The following PBX2 variants were observed in gnomAD, a reference collection of about 807,000 sequenced individuals.
The protein encoded by PBX2 is PBX homeobox 2.
Under a neutral mutation model 46.5 loss-of-function variants are expected in PBX2, and 10 were observed. The observed-to-expected ratio is 0.21, with a 90% CI of 0.13 to 0.36. PBX2 has a LOEUF of 0.36. PBX2 is among the 10% of genes least tolerant of loss of function. The probability of loss-of-function intolerance (pLI) is 1.00; values close to 1 mark genes in which losing one functional copy is unlikely to be tolerated. For synonymous variants in PBX2, 160 were observed against 222.5 expected, an observed-to-expected ratio of 0.72 and a Z score of 2.50; for missense variants, 392 against 580.5, an observed-to-expected ratio of 0.68 and a Z score of 3.34.
In PBX2 at chr6:32,188,300, T is replaced by C. The variant is rs1787234584; in HGVS notation, c.500A>G (p.Gln167Arg). The change falls in exon 3 of 9, where the codon CAG (glutamine) becomes CGG (arginine). Residue 167 changes from glutamine to arginine, a missense_variant. This residue lies in a region of PBX2 where 196 missense variants were observed against 246.9 expected (regional missense o/e 0.79). Coordinates refer to ENST00000375050, the MANE Select transcript of PBX2 (RefSeq NM_002586.5). The surrounding 1 kb of genome is among the most constrained non-coding windows in gnomAD (Gnocchi z 6.5). Reference sequence around the variant, plus strand: ...CTCCGAGTGGTATATGTGACGGATCTGGGCAAGTTTGCTGCGATAGTCCGA... The same window carrying C: ...CTCCGAGTGGTATATGTGACGGATCCGGGCAAGTTTGCTGCGATAGTCCGA... ...EHSDYRSKLA[Q>R]IRHIYHSELE... 1.2e-6 allele frequency: 2 copies of C among 1,614,022 alleles called. No individual in the cohort carries two copies. Among genetic ancestry groups the C allele is most frequent in the Admixed American group, 3.3e-5 (2 of 60,024 alleles).
Position 32,186,834 on chromosome 6 carries a change from T to C in PBX2, c.1092A>G (p.Gly364=). The stretch of plus-strand genomic sequence containing the variant: ...TGACCTGGGAAGCAGAATAGGAATC[T>C]CCGTTGAGCCCAGGCATCCCCAGAA... The part of the protein sequence containing the change: ...DMFLGMPGLN[G]DSYSASQVES... The change falls in exon 7 of 9, where the codon GGA becomes GGG. Residue 364 remains glycine (G), a synonymous_variant. Transcript: ENST00000375050. This position sits in a 1 kb window ranked among gnomAD's most constrained non-coding sequence, Gnocchi z 4.2. 1.2e-6 allele frequency: 2 copies of C among 1,614,062 alleles called. No homozygotes were observed. Among genetic ancestry groups the C allele is most frequent in the Non-Finnish European group, 1.7e-6 (2 of 1,179,984 alleles).
At position 32,187,472 on chromosome 6, in the gene PBX2, ATTT is replaced by A. The variant is rs371557584; in HGVS notation, c.871-80_871-78del. The A allele has an allele frequency of 4.5e-4, 611 of 1,355,214 alleles. No homozygotes were observed. The highest frequency in any genetic ancestry group is 5.0e-4 in the Non-Finnish European group (498 of 990,198). 83.9% of individuals were successfully genotyped at this position (1,355,214 alleles called of 1,614,324 possible). On this transcript the variant is annotated intron_variant, in intron 5 of 8. Coordinates refer to ENST00000375050, the MANE Select transcript of PBX2 (RefSeq NM_002586.5). This position sits in a 1 kb window ranked among gnomAD's most constrained non-coding sequence, Gnocchi z 7.7. Reference sequence around the variant, plus strand: ...CACTGAATAAGATGTGAGTGACAGCATTTTTTTTTTTTTTGCTTCCTGGTCTCA... The same window carrying A: ...CACTGAATAAGATGTGAGTGACAGCATTTTTTTTTTTGCTTCCTGGTCTCA...
chr6:32,190,171 G>T lies in PBX2; in HGVS notation c.-256C>A. 1 of 359,290 alleles carries T rather than the reference G, an allele frequency of 2.8e-6. No individual in the cohort carries two copies. The highest frequency in any genetic ancestry group is 4.7e-5 in the East Asian group (1 of 21,394). 22.3% of individuals were successfully genotyped at this position (359,290 alleles called of 1,614,324 possible). A position where few individuals can be genotyped will look rare whatever the true frequency, so the allele number is the denominator to read the frequency against. On this transcript the variant is annotated 5_prime_UTR_variant, in exon 1 of 9. Coordinates refer to ENST00000375050, the MANE Select transcript of PBX2 (RefSeq NM_002586.5). ...GAGAGAGAGAGGAGGCCCAAGCGGG[G>T]GTGTGTGTGAGAGAGAGGGAGGAGG... is the stretch of plus-strand genomic sequence containing the variant.
rs778766305 is a variant in PBX2 at position 32,188,679 on chromosome 6, G to A, written c.295+44C>T. 2.5e-6 allele frequency: 4 copies of A among 1,594,942 alleles called. No homozygotes were observed. In the Admixed American group the frequency reaches 6.7e-5, roughly 27 times the overall value. On this transcript the variant is annotated intron_variant, in intron 2 of 8. Transcript: ENST00000375050. The surrounding 1 kb of genome is among the most constrained non-coding windows in gnomAD (Gnocchi z 6.5). Reference sequence around the variant, plus strand: ...CACACTCTAGCCCTATAATGAACAGGGTTCTGTTCCCAGAGTTGAGCAATC... The same window carrying A: ...CACACTCTAGCCCTATAATGAACAGAGTTCTGTTCCCAGAGTTGAGCAATC...
In PBX2 at chr6:32,188,000, C is replaced by A; in HGVS notation, c.700G>T (p.Val234Leu). The part of the protein sequence containing the change: ...MQLKQSTCEA[V>L]MILRSRFLDA... ...AGGAAACGGGAGCGCAGGATCATCACAGCCTCGCAGGTGCTCTGCTTCAGC... is the reference window on the plus strand; with the variant it reads ...AGGAAACGGGAGCGCAGGATCATCAAAGCCTCGCAGGTGCTCTGCTTCAGC... Residue 234 changes from valine (V) to leucine (L), a missense_variant, in exon 4 of 9, where the codon GTG becomes TTG. Physicochemically the swap from Val to Leu is conservative, Grantham distance 32 (BLOSUM62 1). This residue lies in a region of PBX2 where 80 missense variants were observed against 175.7 expected (regional missense o/e 0.46). Coordinates refer to ENST00000375050, the MANE Select transcript of PBX2 (RefSeq NM_002586.5). The surrounding 1 kb of genome is among the most constrained non-coding windows in gnomAD (Gnocchi z 7.7). The A allele has an allele frequency of 3.2e-6, 5 of 1,580,048 alleles. No homozygotes were observed. Among genetic ancestry groups the A allele is most frequent in the Non-Finnish European group, 4.3e-6 (5 of 1,161,504 alleles).
Position 32,189,741 on chromosome 6 carries a change from G to A in PBX2, c.175C>T (p.Gln59Ter). ...GKQDIGDILQ[Q>*]IMTITDQSLD... ...CTCTGGTCGGTGATGGTCATTATCT[G>A]CTGCAGAATGTCCCCGATGTCTTGC... Residue 59 changes from glutamine to a stop codon, truncating the protein, a stop_gained, in exon 1 of 9, where the codon CAG becomes TAG. Coordinates refer to ENST00000375050, the MANE Select transcript of PBX2 (RefSeq NM_002586.5). LOFTEE classifies it high-confidence loss of function. This position sits in a 1 kb window ranked among gnomAD's most constrained non-coding sequence, Gnocchi z 4.7. 1 of 1,609,104 alleles carries A rather than the reference G, an allele frequency of 6.2e-7. No homozygotes were observed. Among genetic ancestry groups the A allele is most frequent in the Non-Finnish European group, 8.5e-7 (1 of 1,178,022 alleles).
In PBX2 at chr6:32,186,325, C is replaced by T. The variant is rs1367513008; in HGVS notation, c.*57G>A. ...TTGGGGTTTGTCCTCTGGAAGCCTG[C>T]GTCCTCTTCAAGTCGCCTTGTGAGA... On this transcript the variant is annotated 3_prime_UTR_variant, in exon 9 of 9. Coordinates refer to ENST00000375050, the MANE Select transcript of PBX2 (RefSeq NM_002586.5). This position sits in a 1 kb window ranked among gnomAD's most constrained non-coding sequence, Gnocchi z 4.2. 8.0e-6 allele frequency: 10 copies of T among 1,255,652 alleles called. No individual in the cohort carries two copies. The highest frequency in any genetic ancestry group is 1.5e-5 in the African/African-American group (1 of 68,294). The allele number at this position is 1,255,652 out of a possible 1,614,324, so 77.8% of individuals were successfully genotyped here.
Position 32,188,811 on chromosome 6 carries a change from G to T in PBX2, c.222-15C>A. 1 of 1,612,008 alleles carries T rather than the reference G, an allele frequency of 6.2e-7. No homozygotes were observed. The highest frequency in any genetic ancestry group is 8.5e-7 in the Non-Finnish European group (1 of 1,179,182). On this transcript the variant is annotated splice_polypyrimidine_tract_variant and intron_variant, in intron 1 of 8. Transcript: ENST00000375050. The surrounding 1 kb of genome is among the most constrained non-coding windows in gnomAD (Gnocchi z 6.5). ...GGGCGTGTTTCCTTGGGAGGAGTGG[G>T]AGTGGGGAAAGAGAAAAGTTGAGGA... is the stretch of plus-strand genomic sequence containing the variant.
Position 32,188,901 on chromosome 6 carries a change from A to G in PBX2, c.222-105T>C, listed in dbSNP as rs1171440257. On this transcript the variant is annotated intron_variant, in intron 1 of 8. Transcript: ENST00000375050. This position sits in a 1 kb window ranked among gnomAD's most constrained non-coding sequence, Gnocchi z 6.5. Reference sequence around the variant, plus strand: ...AGGAGGGTCAGTCTGCGGAGGGAGGAAGCGGATTGGGGGTGGAATGAGTTG... The same window carrying G: ...AGGAGGGTCAGTCTGCGGAGGGAGGGAGCGGATTGGGGGTGGAATGAGTTG... 1 of 953,842 alleles carries G rather than the reference A, an allele frequency of 1.0e-6. No individual in the cohort carries two copies. The highest frequency in any genetic ancestry group is 1.7e-6 in the Non-Finnish European group (1 of 590,182). The allele number at this position is 953,842 out of a possible 1,614,324, so 59.1% of individuals were successfully genotyped here. A position where few individuals can be genotyped will look rare whatever the true frequency, so the allele number is the denominator to read the frequency against.
At position 32,188,711 on chromosome 6, in the gene PBX2, G is replaced by C. The variant is rs1561894503; in HGVS notation, c.295+12C>G. ...TTCCCAGAGTTGAGCAATCCGGGGG[G>C]GGCCCACATACCAGTTTTCTCCTTG... On this transcript the variant is annotated intron_variant, in intron 2 of 8. Transcript: ENST00000375050. This position sits in a 1 kb window ranked among gnomAD's most constrained non-coding sequence, Gnocchi z 6.5. The C allele has an allele frequency of 6.2e-7, 1 of 1,612,402 alleles. No homozygotes were observed. The highest frequency in any genetic ancestry group is 8.5e-7 in the Non-Finnish European group (1 of 1,179,482).
rs1582741772 is a variant in PBX2, at chr6:32,188,911, G to C, written c.222-115C>G. ...GTCTGCGGAGGGAGGAAGCGGATTG[G>C]GGGTGGAATGAGTTGGGGGTGGAAT... On this transcript the variant is annotated intron_variant, in intron 1 of 8. Transcript: ENST00000375050. This position sits in a 1 kb window ranked among gnomAD's most constrained non-coding sequence, Gnocchi z 6.5. 3.5e-6 allele frequency: 3 copies of C among 862,586 alleles called. No homozygotes were observed. The South Asian group carries it at 4.1e-5, about 12-fold the overall frequency. The allele number at this position is 862,586 out of a possible 1,614,324, so 53.4% of individuals were successfully genotyped here.
Position 32,186,771 on chromosome 6 carries a change from G to A in PBX2, c.1113+42C>T. ...CTTGTATCCTAAAGTAGAGGAAATG[G>A]AGTTGGGGAAAGCCCTATTCGAGAG... On this transcript the variant is annotated intron_variant, in intron 7 of 8. Coordinates refer to ENST00000375050, the MANE Select transcript of PBX2 (RefSeq NM_002586.5). The surrounding 1 kb of genome is among the most constrained non-coding windows in gnomAD (Gnocchi z 4.2). 1 of 1,600,638 alleles carries A rather than the reference G, an allele frequency of 6.2e-7. No individual in the cohort carries two copies. Among genetic ancestry groups the A allele is most frequent in the Non-Finnish European group, 8.6e-7 (1 of 1,167,732 alleles).
rs1787116114 is a variant in PBX2 at position 32,186,121 on chromosome 6, GT to G, written c.*260del. On this transcript the variant is annotated 3_prime_UTR_variant, in exon 9 of 9. Coordinates refer to ENST00000375050, the MANE Select transcript of PBX2 (RefSeq NM_002586.5). The surrounding 1 kb of genome is among the most constrained non-coding windows in gnomAD (Gnocchi z 4.2). Reference sequence around the variant, plus strand: ...GAAATAGGTTTCTCGGTATGTGTATGTTTCTGTGTAAGAAAGAAAGCGAGAG... The same window carrying G: ...GAAATAGGTTTCTCGGTATGTGTATGTTCTGTGTAAGAAAGAAAGCGAGAG... 1 of 551,406 alleles carries G rather than the reference GT, an allele frequency of 1.8e-6. No homozygotes were observed. Among genetic ancestry groups the G allele is most frequent in the Non-Finnish European group, 3.2e-6 (1 of 310,168 alleles). The allele number at this position is 551,406 out of a possible 1,614,324, so 34.2% of individuals were successfully genotyped here.
In PBX2 at chr6:32,188,397, C is replaced by T. The variant is rs752070997; in HGVS notation, c.403G>A (p.Gly135Ser). 7.4e-6 allele frequency: 12 copies of T among 1,613,932 alleles called. No homozygotes were observed. The African/African-American group carries it at 8.0e-5, about 11-fold the overall frequency. Reference sequence around the variant, plus strand: ...GCGGCTGCAGCTGCTGCTGCTGAGCCGCCCCCTTTCTCGGGCCCAGCCACA... The same window carrying T: ...GCGGCTGCAGCTGCTGCTGCTGAGCTGCCCCCTTTCTCGGGCCCAGCCACA... ...EGVAGPEKGG[G>S]SAAAAAAAAA... is the part of the protein sequence containing the mutation. Residue 135 changes from glycine to serine, a missense_variant, in exon 3 of 9, where the codon GGC becomes AGC. This residue lies in a region of PBX2 where 196 missense variants were observed against 246.9 expected (regional missense o/e 0.79). Coordinates refer to ENST00000375050, the MANE Select transcript of PBX2 (RefSeq NM_002586.5). The surrounding 1 kb of genome is among the most constrained non-coding windows in gnomAD (Gnocchi z 6.5).
In PBX2 at chr6:32,190,085, G is replaced by A. The variant is rs1787373107; in HGVS notation, c.-170C>T. 2.1e-6 allele frequency: 1 copy of A among 469,238 alleles called. No homozygotes were observed. The allele number at this position is 469,238 out of a possible 1,614,324, so 29.1% of individuals were successfully genotyped here. A position where few individuals can be genotyped will look rare whatever the true frequency, so the allele number is the denominator to read the frequency against. ...CACCCCGGCACTGAAGGGAGACCTG[G>A]GATACCGGCTGGGCCCCCCACAGGA... is the stretch of plus-strand genomic sequence containing the variant. On this transcript the variant is annotated 5_prime_UTR_variant, in exon 1 of 9. Transcript: ENST00000375050.
chr6:32,186,843 C>G lies in PBX2; in HGVS notation c.1083G>C (p.Gly361=). 6.2e-7 allele frequency: 1 copy of G among 1,614,082 alleles called. No individual in the cohort carries two copies. Among genetic ancestry groups the G allele is most frequent in the Non-Finnish European group, 8.5e-7 (1 of 1,180,000 alleles). ...AAGCAGAATAGGAATCTCCGTTGAG[C>G]CCAGGCATCCCCAGAAACATGTCTC... is the stretch of plus-strand genomic sequence containing the variant. ...GSGDMFLGMP[G]LNGDSYSASQ... is the part of the protein sequence containing the mutation. Residue 361 remains glycine, a synonymous_variant, in exon 7 of 9, where the codon GGG becomes GGC. Coordinates refer to ENST00000375050, the MANE Select transcript of PBX2 (RefSeq NM_002586.5). The surrounding 1 kb of genome is among the most constrained non-coding windows in gnomAD (Gnocchi z 4.2).
At position 32,189,034 on chromosome 6, in the gene PBX2, G is replaced by C. The variant is rs1034918132; in HGVS notation, c.222-238C>G. ...ATGCAGGCAGCAGGTTAAAGGCTGCGGGCTTTGGGAGATGGTCTAGAAAGG... is the reference window on the plus strand; with the variant it reads ...ATGCAGGCAGCAGGTTAAAGGCTGCCGGCTTTGGGAGATGGTCTAGAAAGG... On this transcript the variant is annotated intron_variant, in intron 1 of 8. Transcript: ENST00000375050. This position sits in a 1 kb window ranked among gnomAD's most constrained non-coding sequence, Gnocchi z 4.7. 8 of 551,938 alleles carry C rather than the reference G, an allele frequency of 1.4e-5. No homozygotes were observed. The highest frequency in any genetic ancestry group is 5.6e-5 in the African/African-American group (3 of 53,270). The allele number at this position is 551,938 out of a possible 1,614,324, so 34.2% of individuals were successfully genotyped here.
Position 32,189,160 on chromosome 6 carries a change from G to T in PBX2, c.222-364C>A. On this transcript the variant is annotated intron_variant, in intron 1 of 8. Transcript: ENST00000375050. The surrounding 1 kb of genome is among the most constrained non-coding windows in gnomAD (Gnocchi z 4.7). ...GGGGTTGAGAAGAGTCAGAGTTTGA[G>T]GTGGCAGAGTGGGGCTGGGGGTGCC... 1 of 390,078 alleles carries T rather than the reference G, an allele frequency of 2.6e-6. No homozygotes were observed. The highest frequency in any genetic ancestry group is 4.8e-6 in the Non-Finnish European group (1 of 210,064). 24.2% of individuals were successfully genotyped at this position (390,078 alleles called of 1,614,324 possible). A position where few individuals can be genotyped will look rare whatever the true frequency, so the allele number is the denominator to read the frequency against.
chr6:32,187,591 C>A lies in PBX2; in HGVS notation c.870+56G>T. ...GGGATTACAGGAACACACCACTGCA[C>A]CTAGCTGAGATGCGTGCACTTTGCC... On this transcript the variant is annotated intron_variant, in intron 5 of 8. Coordinates refer to ENST00000375050, the MANE Select transcript of PBX2 (RefSeq NM_002586.5). The surrounding 1 kb of genome is among the most constrained non-coding windows in gnomAD (Gnocchi z 7.7). 1 of 1,555,452 alleles carries A rather than the reference C, an allele frequency of 6.4e-7. No individual in the cohort carries two copies. The highest frequency in any genetic ancestry group is 8.7e-7 in the Non-Finnish European group (1 of 1,148,994).
Sources: allele counts gnomAD v4.1 joint callset, GRCh38; gene constraint gnomAD v4.1.1; regional missense constraint gnomAD v4.1.1; non-coding constraint Gnocchi (gnomAD v3.1); transcripts MANE v1.5; gene names NCBI Gene and HGNC (gene_info 2026-07-23, HGNC 2026-07-21).